The following MAP3K5 variants were observed in gnomAD, a reference collection of about 807,000 sequenced individuals.
MAP3K5 encodes the protein mitogen-activated protein kinase kinase kinase 5, also known as ASK-1.
A neutral mutation model predicts 158.7 loss-of-function variants in MAP3K5; 56 were observed. The ratio of observed to expected loss-of-function variants is 0.35; its 90% confidence interval spans 0.28 to 0.44. MAP3K5 has a LOEUF of 0.44. Ranked by LOEUF, MAP3K5 falls within the 20% of genes least tolerant of loss-of-function variation. MAP3K5 has a pLI of 1.00. For synonymous variants in MAP3K5, 579 were observed against 601.7 expected, an observed-to-expected ratio of 0.96 and a Z score of 0.55; for missense variants, 1,294 against 1,674.8, an observed-to-expected ratio of 0.77 and a Z score of 3.97.
chr6:136,789,675 CTTTTTT>C (rs57162918), intron 1 of MAP3K5, among the ~76,000 whole-genome samples: 6 of 78,754 alleles, frequency 7.6e-5, no homozygotes, highest in African/African-American at 5.6e-5. Context: ...AGCACAACCT[CTTTTTT>C]TTTTTTTTTT....
chr6:136,746,542 T>C (rs1327045463), intron 1 of MAP3K5, among the ~76,000 whole-genome samples: 1 of 152,150 alleles, frequency 6.6e-6, no homozygotes, highest in Admixed American at 6.5e-5. Flanking sequence ...TGCATTTTAA[T>C]AACTATCCTA....
chr6:136,692,310 G>C (rs551632591), intron 7 of MAP3K5, among the ~76,000 whole-genome samples: 6 of 152,194 alleles, frequency 3.9e-5, no homozygotes, highest in African/African-American at 1.4e-4. Flanking sequence ...TTAATAAAAG[G>C]TAAATAAATT....
chr6:136,757,377 A>AG (rs1007458857), intron 1 of MAP3K5, among the ~76,000 whole-genome samples: 2 of 152,148 alleles, frequency 1.3e-5, no homozygotes, highest in African/African-American at 4.8e-5. Context: ...GGGTCTTTGG[A>AG]GAAATAAGCT....
At chr6:136,676,338 C>T (rs1228874136) in intron 7 of MAP3K5, among the ~76,000 whole-genome samples, 1 of 152,186 alleles carries the variant, frequency 6.6e-6, no homozygotes, top group Non-Finnish European at 1.5e-5. Flanking sequence ...TACAAATAAT[C>T]TTTTAACTTC....
intron 25 of MAP3K5, among the ~76,000 whole-genome samples, chr6:136,572,065 G>A (rs4631311): frequency 0.19 from 29,211 of 152,116 alleles, 3,268 homozygotes; most frequent in East Asian, 0.37. Context: ...GGGGCTAAAC[G>A]TATTAGGTCT....
intron 2 of MAP3K5, among the ~76,000 whole-genome samples, chr6:136,713,785 G>C (rs1439033794): frequency 6.6e-6 from 1 of 152,038 alleles, no homozygotes; most frequent in East Asian, 1.9e-4. Flanking sequence ...TAGAGTCCCA[G>C]GGTTTTTAAA....
At chr6:136,725,315 C>T (rs898111221) in intron 1 of MAP3K5, among the ~76,000 whole-genome samples, 7 of 152,178 alleles carry the variant, frequency 4.6e-5, no homozygotes, top group Non-Finnish European at 1.0e-4. Context: ...TGCATTCCCG[C>T]CAGCAAAGTA....
At chr6:136,754,583 A>C (rs916490280) in intron 1 of MAP3K5, among the ~76,000 whole-genome samples, 48 of 121,636 alleles carry the variant, frequency 3.9e-4, no homozygotes, top group Non-Finnish European at 6.7e-4. Flanking sequence ...GACCGCTCTC[A>C]AAAAAAAAAA....
chr6:136,605,103 G>T, intron 19 of MAP3K5, 106 bp downstream of exon 19: 1 of 1,140,156 alleles, frequency 8.8e-7, no homozygotes, highest in Non-Finnish European at 1.3e-6. Flanking sequence ...TCTAAGTTGT[G>T]TTTACTTAGC....
In MAP3K5 at chr6:136,613,111, G is replaced by T; in HGVS notation, c.2415+9C>A. ...AGAACTCATGAAAATGAATGCTGGT[G>T]TACCTCACCTTTATGTCCCGGTGAA... On this transcript the variant is annotated intron_variant, in intron 17 of 29. Coordinates refer to ENST00000359015, the MANE Select transcript of MAP3K5 (RefSeq NM_005923.4). This position sits in a 1 kb window ranked among gnomAD's most constrained non-coding sequence, Gnocchi z 4.0. 6.3e-7 allele frequency: 1 copy of T among 1,596,708 alleles called. No individual in the cohort carries two copies.
At chr6:136,586,257 G>A (rs1775135161) in intron 23 of MAP3K5, among the ~76,000 whole-genome samples, 2 of 152,206 alleles carry the variant, frequency 1.3e-5, no homozygotes, top group African/African-American at 4.8e-5. Flanking sequence ...AGAAAAATGT[G>A]AGTTATGCAG....
intron 28 of MAP3K5, 45 bp from the exon 29 acceptor site, chr6:136,558,921 T>C: frequency 1.1e-6 from 1 of 950,296 alleles, no homozygotes; most frequent in South Asian, 1.4e-5. Context: ...TTATATAACT[T>C]TAATAAAGCA....
At chr6:136,600,804 G>A (rs1031877213) in intron 21 of MAP3K5, among the ~76,000 whole-genome samples, 3 of 151,970 alleles carry the variant, frequency 2.0e-5, no homozygotes, top group Non-Finnish European at 4.4e-5. Context: ...AAAAATTTAA[G>A]CCATCCCCAC....
At position 136,744,145 on chromosome 6, in the gene MAP3K5, C is replaced by G. The variant is rs534989315; in HGVS notation, c.449-23556G>C. Among the ~76,000 whole-genome samples, 21 of 152,072 alleles carry G rather than the reference C, an allele frequency of 1.4e-4. No individual in the cohort carries two copies. The South Asian group carries it at 4.2e-3, about 30-fold the overall frequency. On this transcript the variant is annotated intron_variant, in intron 1 of 29. Coordinates refer to ENST00000359015, the MANE Select transcript of MAP3K5 (RefSeq NM_005923.4). ...AAATACACAACACCAAGAATGAACC[C>G]TAATGTAAGCTATGGGCATCAGGTG...
rs71737097 is a variant in MAP3K5 at position 136,599,475 on chromosome 6, A to ATCTC, written c.2878+1543_2878+1546dup. Among the ~76,000 whole-genome samples the ATCTC allele has an allele frequency of 1.1e-3, 151 of 142,086 alleles. 2 individuals carry two copies. In the Middle Eastern group the frequency reaches 0.011, roughly 10 times the overall value. The allele number at this position is 142,086 out of a possible 152,430, so 93.2% of individuals were successfully genotyped here. ...AGACATAGAACTGTCCACTTAAAGG[A>ATCTC]TCTCTCTCTCTCTCTCTCTCTCTCT... On this transcript the variant is annotated intron_variant, in intron 21 of 29. Transcript: ENST00000359015.
chr6:136,588,236 G>A (rs546970499), intron 23 of MAP3K5, among the ~76,000 whole-genome samples: 2 of 152,226 alleles, frequency 1.3e-5, no homozygotes, highest in South Asian at 2.1e-4. Flanking sequence ...GCCTACCAGC[G>A]AGGCAGAGCA....
chr6:136,710,412 G>A lies in MAP3K5; in HGVS notation c.589-5279C>T, dbSNP rs917238504. Among the ~76,000 whole-genome samples the A allele has an allele frequency of 5.9e-4, 89 of 152,018 alleles. 4 individuals are homozygous for A. The highest frequency in any genetic ancestry group is 2.6e-4 in the Admixed American group (4 of 15,260). ...GGGGGCTTTTGGTCAGTGTAGCCCC[G>A]GCTATACCAGAAACATTCAAAAAAA... On this transcript the variant is annotated intron_variant, in intron 2 of 29. Transcript: ENST00000359015.
Position 136,561,404 on chromosome 6 carries a change from TA to T in MAP3K5, c.3987+128del, listed in dbSNP as rs1410313355. ...ATTATCACGTGCCTACCCTGGTCTG[TA>T]AGCCTCAGGAGGGCAGGGCTGGGTC... On this transcript the variant is annotated intron_variant, in intron 28 of 29. Transcript: ENST00000359015. 26 of 629,798 alleles carry T rather than the reference TA, an allele frequency of 4.1e-5. No homozygotes were observed. The African/African-American group carries it at 4.6e-4, about 11-fold the overall frequency. The allele number at this position is 629,798 out of a possible 1,614,324, so 39.0% of individuals were successfully genotyped here.
At chr6:136,575,733 C>T (rs939183047) in intron 25 of MAP3K5, among the ~76,000 whole-genome samples, 5 of 152,156 alleles carry the variant, frequency 3.3e-5, no homozygotes, top group Non-Finnish European at 5.9e-5. Context: ...GGCAAGAACA[C>T]CACAGTGTGA....
Sources: allele counts gnomAD v4.1 joint callset (sites outside exome capture counted in the v4.1 genomes callset), GRCh38; gene constraint gnomAD v4.1.1; non-coding constraint Gnocchi (gnomAD v3.1); transcripts MANE v1.5; gene names NCBI Gene and HGNC (gene_info 2026-07-23, HGNC 2026-07-21).